Variants in PRKCH observed in about 807,000 individuals in gnomAD.
PRKCH encodes protein kinase C eta, also known as protein kinase C eta type.
Under a neutral mutation model 82.5 loss-of-function variants are expected in PRKCH, and 28 were observed. The ratio of observed to expected loss-of-function variants is 0.34; its 90% confidence interval spans 0.25 to 0.47. The LOEUF (loss-of-function observed/expected upper bound fraction) is 0.47, where lower values mean the gene tolerates loss of function less well. Ranked by LOEUF, PRKCH falls within the 20% of genes least tolerant of loss-of-function variation. The probability of loss-of-function intolerance (pLI) is 1.00; values close to 1 mark genes in which losing one functional copy is unlikely to be tolerated. For missense variants in PRKCH, 705 were observed against 881.8 expected (o/e 0.80, Z 2.54); for synonymous variants, 322 against 327.4 (o/e 0.98, Z 0.18).
intron 1 of PRKCH, chr14:61,279,880 G>A (rs2045239935): frequency 1.7e-6 from 1 of 576,330 alleles, no homozygotes; most frequent in East Asian, 2.9e-5. Context: ...TTGCAAGGAT[G>A]TTTCACTCTG....
At chr14:61,441,225 C>T (rs573229249) in intron 2 of PRKCH, among the ~76,000 whole-genome samples, 3 of 152,166 alleles carry the variant, frequency 2.0e-5, no homozygotes, top group South Asian at 2.1e-4. Flanking sequence ...TTGAATGCTG[C>T]GATGTGCCTA....
At chr14:61,515,886 A>G (rs1012859460) in intron 10 of PRKCH, among the ~76,000 whole-genome samples, 2 of 151,926 alleles carry the variant, frequency 1.3e-5, no homozygotes, top group African/African-American at 4.8e-5. Context: ...CAAGGGCTCT[A>G]CAGCACTTAA....
rs899266263 is a variant in PRKCH at position 61,220,917 on chromosome 14, G to A, written c.-19+33249G>A. Among the ~76,000 whole-genome samples the A allele has an allele frequency of 1.3e-4, 20 of 152,166 alleles. 1 individual carries two copies. Among genetic ancestry groups the A allele is most frequent in the African/African-American group, 7.2e-5 (3 of 41,528 alleles). ...TATATTTCCCTGGCAGACAGCCCAC[G>A]TTCTGGTAAGTCTCGGGAAAGGGGA... is the stretch of plus-strand genomic sequence containing the variant. On this transcript the variant is annotated intron_variant, in intron 1 of 3. Transcript: ENST00000555185.
At chr14:61,187,887 C>T (rs1400904188) in intron 1 of PRKCH, among the ~76,000 whole-genome samples, 1 of 152,074 alleles carries the variant, frequency 6.6e-6, no homozygotes, top group Non-Finnish European at 1.5e-5. Flanking sequence ...AGCCTTGGGC[C>T]CCACAGTGGT....
chr14:61,376,918 A>T (rs181752965), intron 1 of PRKCH, among the ~76,000 whole-genome samples: 13 of 152,308 alleles, frequency 8.5e-5, no homozygotes, highest in African/African-American at 3.1e-4. Flanking sequence ...GCTGTTTTCC[A>T]CATCTGTCTC....
At chr14:61,232,697 G>A (rs2044753969) in intron 1 of PRKCH, among the ~76,000 whole-genome samples, 1 of 152,034 alleles carries the variant, frequency 6.6e-6, no homozygotes, top group South Asian at 2.1e-4. Context: ...CAGTCCTTTT[G>A]GGCTTTTCTG....
intron 10 of PRKCH, among the ~76,000 whole-genome samples, chr14:61,506,896 C>T (rs1887175240): frequency 6.6e-6 from 1 of 152,118 alleles, no homozygotes; most frequent in African/African-American, 2.4e-5. Flanking sequence ...AAATCGTCTT[C>T]CCTTGGACAC....
At chr14:61,453,419 G>T (rs909752424) in intron 7 of PRKCH, 66 bp downstream of exon 7, 8 of 1,552,364 alleles carry the variant, frequency 5.2e-6, no homozygotes, top group Non-Finnish European at 6.1e-6. Flanking sequence ...GAGCCCAAAT[G>T]AGAGCATGTG....
intron 1 of PRKCH, among the ~76,000 whole-genome samples, chr14:61,360,276 A>G (rs2046206114): frequency 6.6e-6 from 1 of 152,198 alleles, no homozygotes; most frequent in Non-Finnish European, 1.5e-5. Flanking sequence ...AGGCCAAGGC[A>G]GGTGGATCAC....
chr14:61,450,846 C>T lies in PRKCH; in HGVS notation c.707C>T (p.Ala236Val). ...CCTTTATTTCCTTTTTTACAGATTG[C>T]AGAACAGAGGTTCGGGATCAACATC... ...NNINKVDSKI[A>V]EQRFGINIPH... Residue 236 changes from alanine to valine, a missense_variant, in exon 6 of 14, where the codon GCA (alanine) becomes GTA (valine). Ala to Val is a moderately conservative substitution (Grantham distance 64). Transcript: ENST00000332981. 6.2e-7 allele frequency: 1 copy of T among 1,613,218 alleles called. No homozygotes were observed. The highest frequency in any genetic ancestry group is 8.5e-7 in the Non-Finnish European group (1 of 1,179,616).
At position 61,322,208 on chromosome 14, in the gene PRKCH, A is replaced by G. The variant is rs1805626087; in HGVS notation, c.107A>G (p.Lys36Arg). 1 of 1,613,014 alleles carries G rather than the reference A, an allele frequency of 6.2e-7. No individual in the cohort carries two copies. Among genetic ancestry groups the G allele is most frequent in the Non-Finnish European group, 8.5e-7 (1 of 1,179,738 alleles). The change falls in exon 1 of 14, where the codon AAG (lysine) becomes AGG (arginine). Residue 36 changes from lysine (K) to arginine (R), a missense_variant. Physicochemically the swap from Lys to Arg is conservative, Grantham distance 26 (BLOSUM62 2). This residue lies in a region of PRKCH where 246 missense variants were observed against 308.0 expected (regional missense o/e 0.80). Transcript: ENST00000332981. ...RWSLRHSLFK[K>R]GHQLLDPYLT... ...TCCCTGCGCCACTCGCTCTTCAAGA[A>G]GGGCCACCAGCTGCTGGACCCCTAT...
chr14:61,366,639 C>T (rs1005230188), intron 1 of PRKCH, among the ~76,000 whole-genome samples: 3 of 152,054 alleles, frequency 2.0e-5, no homozygotes, highest in African/African-American at 7.3e-5. Flanking sequence ...TTCAACTGTA[C>T]TGTTAATTGC....
chr14:61,294,273 A>C (rs1274467229), intron 1 of PRKCH, among the ~76,000 whole-genome samples: 1 of 151,914 alleles, frequency 6.6e-6, no homozygotes, highest in Non-Finnish European at 1.5e-5. Context: ...GGTGCCTGCC[A>C]CCACGCCCAG....
chr14:61,404,543 A>T (rs1201512547), intron 2 of PRKCH, among the ~76,000 whole-genome samples: 1 of 129,654 alleles, frequency 7.7e-6, no homozygotes, highest in African/African-American at 2.9e-5. Context: ...GTGTGTATGC[A>T]TGTACTTAGT....
intron 2 of PRKCH, among the ~76,000 whole-genome samples, chr14:61,436,245 A>G (rs868618672): frequency 2.6e-5 from 4 of 152,192 alleles, no homozygotes; most frequent in South Asian, 4.1e-4. Flanking sequence ...CAAGAGAGTC[A>G]GTCTAGTAAC....
intron 10 of PRKCH, chr14:61,525,874 A>T (rs1395256403): frequency 6.6e-6 from 1 of 152,404 alleles, no homozygotes; most frequent in Non-Finnish European, 1.5e-5. Context: ...CACAGTGTCG[A>T]TAAAGCTGGG....
chr14:61,213,036 C>T (rs2044593492), intron 1 of PRKCH, among the ~76,000 whole-genome samples: 1 of 152,040 alleles, frequency 6.6e-6, no homozygotes, highest in African/African-American at 2.4e-5. Flanking sequence ...ACCCTTATGT[C>T]AGGGAGAGAG....
rs1294456011 is a variant in PRKCH at position 61,281,986 on chromosome 14, C to T, written c.-19+94318C>T. 3 of 143,602 alleles carry T rather than the reference C, an allele frequency of 2.1e-5. No individual in the cohort carries two copies. In the East Asian group the frequency reaches 6.2e-4, roughly 30 times the overall value. The allele number at this position is 143,602 out of a possible 1,614,324, so 8.9% of individuals were successfully genotyped here. ...AAAGTTCTCTAAAAATAAAATCATC[C>T]TTAAAAAGAATCAAAGGCTGGAGAG... On this transcript the variant is annotated intron_variant, in intron 1 of 3. Transcript: ENST00000555185.
chr14:61,296,651 GC>G (rs2045408510), intron 1 of PRKCH, among the ~76,000 whole-genome samples: 2 of 152,162 alleles, frequency 1.3e-5, no homozygotes, highest in African/African-American at 4.8e-5. Flanking sequence ...CTGGCCATCT[GC>G]TAAACTTGTA....
Sources: allele counts gnomAD v4.1 joint callset (sites outside exome capture counted in the v4.1 genomes callset), GRCh38; gene constraint gnomAD v4.1.1; regional missense constraint gnomAD v4.1.1; transcripts MANE v1.5; gene names NCBI Gene and HGNC (gene_info 2026-07-23, HGNC 2026-07-21).